Variants in CAST observed in about 807,000 individuals in gnomAD.
CAST encodes the protein calpastatin.
In CAST, 76 loss-of-function variants were observed where a neutral mutation model predicts 119.6. The ratio of observed to expected loss-of-function variants is 0.64; its 90% confidence interval spans 0.53 to 0.77. CAST has a LOEUF of 0.77. Ranked by LOEUF, CAST falls within the 30% of genes least tolerant of loss-of-function variation. CAST has a pLI of 0.00. For synonymous variants in CAST, 319 were observed against 331.6 expected, an observed-to-expected ratio of 0.96 and a Z score of 0.41; for missense variants, 953 against 946.5, an observed-to-expected ratio of 1.01 and a Z score of -0.09.
the CAST span, among the ~76,000 whole-genome samples, chr5:96,397,642 A>G: frequency 6.6e-6 from 1 of 152,230 alleles, no homozygotes; most frequent in South Asian, 2.1e-4. Context: ...GTTTTTATCT[A>G]TAGTGCTTAG....
intron 2 of CAST, among the ~76,000 whole-genome samples, chr5:96,684,278 T>C (rs1236407858): frequency 6.6e-6 from 1 of 152,218 alleles, no homozygotes. Flanking sequence ...CTATAAATCT[T>C]ACCTCCTGTT....
chr5:96,662,252 G>A (rs921076297), upstream of CAST: 14 of 793,184 alleles, frequency 1.8e-5, no homozygotes, highest in Admixed American at 4.4e-5. Flanking sequence ...ATCGGGGCTA[G>A]GGGAACCCCG....
the CAST span, among the ~76,000 whole-genome samples, chr5:96,346,573 G>A: frequency 1.3e-5 from 2 of 152,032 alleles, no homozygotes; most frequent in Non-Finnish European, 2.9e-5. Flanking sequence ...TCTACCACTG[G>A]ATACACAGTA....
the CAST span, among the ~76,000 whole-genome samples, chr5:96,056,891 T>A: frequency 6.6e-6 from 1 of 152,084 alleles, no homozygotes; most frequent in Non-Finnish European, 1.5e-5. Flanking sequence ...CCCCAAGGAG[T>A]GCCTGGTCTT....
chr5:96,563,420 A>G (rs1030788100), intron 1 of CAST, among the ~76,000 whole-genome samples: 4 of 152,152 alleles, frequency 2.6e-5, no homozygotes, highest in Admixed American at 2.6e-4. Context: ...GAAAAAATGA[A>G]GTGCATAAAG....
At chr5:96,044,462 T>C in the CAST span, among the ~76,000 whole-genome samples, 1 of 152,240 alleles carries the variant, frequency 6.6e-6, no homozygotes, top group African/African-American at 2.4e-5. Context: ...TTTTGGACTT[T>C]CTAGCCTCCA....
At chr5:96,442,841 C>A in the CAST span, among the ~76,000 whole-genome samples, 1 of 152,188 alleles carries the variant, frequency 6.6e-6, no homozygotes, top group African/African-American at 2.4e-5. Context: ...TCTTCTTCCT[C>A]CTGATCTACC....
chr5:96,649,939 C>G (rs1161719394), intron 1 of CAST, among the ~76,000 whole-genome samples: 1 of 152,204 alleles, frequency 6.6e-6, no homozygotes, highest in East Asian at 1.9e-4. Context: ...CTGACAGACA[C>G]TATTCTAAAA....
chr5:95,996,853 A>T, the CAST span, among the ~76,000 whole-genome samples: 1 of 152,216 alleles, frequency 6.6e-6, no homozygotes, highest in African/African-American at 2.4e-5. Flanking sequence ...TTATACCTGA[A>T]CTCCGTACAC....
chr5:96,740,682 A>G (rs1762481304), intron 12 of CAST, 63 bp from the exon 13 acceptor site: 2 of 1,196,828 alleles, frequency 1.7e-6, no homozygotes, highest in Admixed American at 1.7e-5. Context: ...CGGGCAATAC[A>G]TTTTGCCGAT....
At chr5:96,267,362 G>A in the CAST span, among the ~76,000 whole-genome samples, 3 of 152,164 alleles carry the variant, frequency 2.0e-5, no homozygotes, top group African/African-American at 7.2e-5. Flanking sequence ...AAATAAGACT[G>A]CCCCAAGGCA....
At chr5:96,006,517 T>C in the CAST span, among the ~76,000 whole-genome samples, 1 of 152,212 alleles carries the variant, frequency 6.6e-6, no homozygotes, top group Non-Finnish European at 1.5e-5. Flanking sequence ...CATTTACCTG[T>C]TCTTCTTCAT....
In CAST at chr5:96,620,579, A is replaced by G. The variant is rs77878544; in HGVS notation, c.61-54960A>G. Among the ~76,000 whole-genome samples the G allele has an allele frequency of 6.7e-3, 1,013 of 152,250 alleles. 10 individuals are homozygous for G. Among genetic ancestry groups the G allele is most frequent in the African/African-American group, 0.023 (936 of 41,554 alleles). ...TGTAAGTTCTGAACACCTTTAAGATATGCTAGGTTAAGCTAGGATGTTCAG... is the reference window on the plus strand; with the variant it reads ...TGTAAGTTCTGAACACCTTTAAGATGTGCTAGGTTAAGCTAGGATGTTCAG... On this transcript the variant is annotated intron_variant, in intron 1 of 11. Coordinates refer to the CAST transcript ENST00000505143.
the CAST span, among the ~76,000 whole-genome samples, chr5:96,105,667 G>A: frequency 6.6e-6 from 1 of 152,172 alleles, no homozygotes; most frequent in Non-Finnish European, 1.5e-5. Flanking sequence ...TTGCATCAAT[G>A]TTCATCAAGG....
chr5:96,226,376 C>T, the CAST span, among the ~76,000 whole-genome samples: 1 of 152,140 alleles, frequency 6.6e-6, no homozygotes, highest in Non-Finnish European at 1.5e-5. Context: ...GTAGGCTGGG[C>T]ATGGTGGGTT....
At chr5:96,319,384 T>C in the CAST span, among the ~76,000 whole-genome samples, 1 of 152,310 alleles carries the variant, frequency 6.6e-6, no homozygotes, top group African/African-American at 2.4e-5. Flanking sequence ...ATTTTGCAGA[T>C]GATGAAAATG....
At chr5:96,419,245 T>A in the CAST span, among the ~76,000 whole-genome samples, 1 of 150,758 alleles carries the variant, frequency 6.6e-6, no homozygotes, top group East Asian at 1.9e-4. Context: ...TAGATATAGA[T>A]AAATAATCTA....
chr5:96,429,447 T>A, the CAST span: 1 of 626,046 alleles, frequency 1.6e-6, no homozygotes. Flanking sequence ...AAATTAATAT[T>A]TTTTTTCTTT....
chr5:96,736,265 A>G (rs1761621241), intron 10 of CAST, 25 bp downstream of exon 10: 2 of 1,471,496 alleles, frequency 1.4e-6, no homozygotes, highest in Non-Finnish European at 1.9e-6. Context: ...GTGTCCTTCT[A>G]CATGAGACAG....
Sources: gnomAD v4.1 joint callset for allele counts (sites outside exome capture counted in the v4.1 genomes callset) on GRCh38, gnomAD v4.1.1 for gene constraint, MANE v1.5 for transcripts, NCBI Gene and HGNC (gene_info 2026-07-23, HGNC 2026-07-21) for gene names.